PLGRKT: variants seen among roughly 807,000 people sequenced by gnomAD.
PLGRKT encodes plasminogen receptor with a C-terminal lysine.
PLGRKT carries 22 observed loss-of-function variants against 18.5 expected under a neutral mutation model. That is an observed-to-expected ratio of 1.19 (90% CI 0.85 to 1.70). PLGRKT has a LOEUF of 1.70. Ranked by LOEUF, PLGRKT falls within the 40% of genes most tolerant of loss-of-function variation. The pLI is 0.00. For synonymous variants in PLGRKT, 72 were observed against 52.8 expected (o/e 1.36, Z -1.58); for missense variants, 235 against 174.4 (o/e 1.35, Z -1.96).
In PLGRKT at chr9:5,418,694, C is replaced by T. The variant is rs536393742; in HGVS notation, c.81+13203G>A. 1.7e-5 allele frequency: 11 copies of T among 662,342 alleles called. No individual in the cohort carries two copies. The highest frequency in any genetic ancestry group is 4.9e-5 in the South Asian group (3 of 60,864). The allele number at this position is 662,342 out of a possible 1,614,324, so 41.0% of individuals were successfully genotyped here. A position where few individuals can be genotyped will look rare whatever the true frequency, so the allele number is the denominator to read the frequency against. ...AGGGGCAGCATGTAGCACCCACTGC[C>T]GGGAAGTCTGATGAAGACCGGCATG... On this transcript the variant is annotated intron_variant, in intron 3 of 5. Transcript: ENST00000223864. This position sits in a 1 kb window ranked among gnomAD's most constrained non-coding sequence, Gnocchi z 4.2.
intron 3 of PLGRKT, among the ~76,000 whole-genome samples, chr9:5,415,590 T>C (rs1421763210): frequency 2.6e-5 from 4 of 152,176 alleles, no homozygotes; most frequent in South Asian, 4.1e-4. Flanking sequence ...ACTTGATGGA[T>C]ACAACCTTAA....
Position 5,418,127 on chromosome 9 carries a change from G to A in PLGRKT, c.81+13770C>T, listed in dbSNP as rs1818499158. Among the ~76,000 whole-genome samples the A allele has an allele frequency of 6.6e-6, 1 of 152,124 alleles. No homozygotes were observed. The highest frequency in any genetic ancestry group is 2.1e-4 in the South Asian group (1 of 4,826). ...AGTCCATTGAATACATGATTATGAGGATGCATGCAATCATCTTCAAAGCTG... is the reference window on the plus strand; with the variant it reads ...AGTCCATTGAATACATGATTATGAGAATGCATGCAATCATCTTCAAAGCTG... On this transcript the variant is annotated intron_variant, in intron 3 of 5. Transcript: ENST00000223864. This position sits in a 1 kb window ranked among gnomAD's most constrained non-coding sequence, Gnocchi z 4.2.
At chr9:5,424,682 A>T (rs1169480040) in intron 3 of PLGRKT, among the ~76,000 whole-genome samples, 1 of 106,180 alleles carries the variant, frequency 9.4e-6, no homozygotes, top group Non-Finnish European at 1.8e-5. Flanking sequence ...ATATATATAT[A>T]TATATATATA....
At position 5,358,059 on chromosome 9, in the gene PLGRKT, C is replaced by T; in HGVS notation, c.*180G>A. On this transcript the variant is annotated 3_prime_UTR_variant, in exon 6 of 6. Coordinates refer to ENST00000223864, the MANE Select transcript of PLGRKT (RefSeq NM_018465.4). ...GGAAATCTAAAAGTTATTTAGAGCA[C>T]CTCCATGATTTTGTGTTGAATGTTA... 1 of 468,096 alleles carries T rather than the reference C, an allele frequency of 2.1e-6. No individual in the cohort carries two copies. The highest frequency in any genetic ancestry group is 4.1e-5 in the South Asian group (1 of 24,486). 29.0% of individuals were successfully genotyped at this position (468,096 alleles called of 1,614,324 possible).
At chr9:5,405,953 T>C (rs527490120) in intron 3 of PLGRKT, among the ~76,000 whole-genome samples, 3 of 152,094 alleles carry the variant, frequency 2.0e-5, no homozygotes, top group South Asian at 2.1e-4. Context: ...GCAAAGGATA[T>C]GAACAGACAC....
At chr9:5,431,781 T>C in intron 3 of PLGRKT, 116 bp downstream of exon 3, 1 of 616,132 alleles carries the variant, frequency 1.6e-6, no homozygotes, top group African/African-American at 1.8e-5. Flanking sequence ...GTTTTAAGGA[T>C]GCAGCCCAAA....
At position 5,418,612 on chromosome 9, in the gene PLGRKT, G is replaced by T; in HGVS notation, c.81+13285C>A. On this transcript the variant is annotated intron_variant, in intron 3 of 5. Transcript: ENST00000223864. This position sits in a 1 kb window ranked among gnomAD's most constrained non-coding sequence, Gnocchi z 4.2. ...AGTGACGGACTTCTGCCGGTTCCTG[G>T]GCAGCAGGTGGCGGCTCATATCTCC... The T allele has an allele frequency of 1.4e-6, 1 of 723,376 alleles. No homozygotes were observed. The highest frequency in any genetic ancestry group is 2.6e-6 in the Non-Finnish European group (1 of 388,240). The allele number at this position is 723,376 out of a possible 1,614,324, so 44.8% of individuals were successfully genotyped here. A position where few individuals can be genotyped will look rare whatever the true frequency, so the allele number is the denominator to read the frequency against.
intron 1 of PLGRKT, among the ~76,000 whole-genome samples, chr9:5,437,431 T>C (rs1818981451): frequency 1.3e-5 from 2 of 152,204 alleles, no homozygotes; most frequent in African/African-American, 4.8e-5. Context: ...AGCCCACAGC[T>C]TCCGGAGGTT....
At chr9:5,364,835 A>G (rs956513069) in intron 3 of PLGRKT, among the ~76,000 whole-genome samples, 1 of 152,210 alleles carries the variant, frequency 6.6e-6, no homozygotes, top group Non-Finnish European at 1.5e-5. Context: ...CAGGGAGATT[A>G]CAAACAAGCA....
Position 5,360,766 on chromosome 9 carries a change from T to A in PLGRKT, c.322+312A>T, listed in dbSNP as rs114379275. Among the ~76,000 whole-genome samples, 313 of 152,376 alleles carry A rather than the reference T, an allele frequency of 2.1e-3. 2 individuals carry two copies. Among genetic ancestry groups the A allele is most frequent in the African/African-American group, 7.0e-3 (290 of 41,584 alleles). The stretch of plus-strand genomic sequence containing the variant: ...GATGAGTTCTGTTTATTACCTTTGT[T>A]TTAAACACAATTTAATATTATTTAT... On this transcript the variant is annotated intron_variant, in intron 5 of 5. Transcript: ENST00000223864.
chr9:5,407,544 G>T (rs989805363), intron 3 of PLGRKT, among the ~76,000 whole-genome samples: 7 of 151,900 alleles, frequency 4.6e-5, no homozygotes, highest in African/African-American at 1.7e-4. Context: ...AAAAAGTGTT[G>T]AGTAAATAAA....
chr9:5,416,993 G>C (rs1818474411), intron 3 of PLGRKT, among the ~76,000 whole-genome samples: 1 of 152,166 alleles, frequency 6.6e-6, no homozygotes, highest in Non-Finnish European at 1.5e-5. Context: ...TAAGAGACTT[G>C]GTGGACATTT....
intron 3 of PLGRKT, among the ~76,000 whole-genome samples, chr9:5,389,567 A>C (rs1312191712): frequency 6.6e-6 from 1 of 151,882 alleles, no homozygotes; most frequent in African/African-American, 2.4e-5. Flanking sequence ...TCATCAGAGA[A>C]AACCTGGAGA....
intron 3 of PLGRKT, among the ~76,000 whole-genome samples, chr9:5,363,075 T>G (rs774734332): frequency 1.5e-4 from 23 of 151,716 alleles, no homozygotes; most frequent in Non-Finnish European, 3.1e-4. Flanking sequence ...AACTGCGGAT[T>G]GAGAGCAGGG....
At chr9:5,428,183 A>T (rs1295074482) in intron 3 of PLGRKT, among the ~76,000 whole-genome samples, 1 of 152,178 alleles carries the variant, frequency 6.6e-6, no homozygotes, top group Non-Finnish European at 1.5e-5. Flanking sequence ...AGCGTCAGAA[A>T]CTTGTCTGTT....
At chr9:5,408,774 G>T (rs1818305186) in intron 3 of PLGRKT, among the ~76,000 whole-genome samples, 1 of 152,208 alleles carries the variant, frequency 6.6e-6, no homozygotes, top group Admixed American at 6.5e-5. Flanking sequence ...GGCCTAAGAG[G>T]ACAGAATGGT....
chr9:5,397,951 G>A (rs1818084694), intron 3 of PLGRKT, among the ~76,000 whole-genome samples: 1 of 151,934 alleles, frequency 6.6e-6, no homozygotes, highest in African/African-American at 2.4e-5. Flanking sequence ...GGGAGGCATA[G>A]AACTTGAAGG....
chr9:5,431,434 T>C, intron 3 of PLGRKT, among the ~76,000 whole-genome samples: 1 of 149,440 alleles, frequency 6.7e-6, no homozygotes, highest in Middle Eastern at 3.2e-3. Context: ...CTAGGGAGGC[T>C]GAGGCACAAG....
intron 3 of PLGRKT, among the ~76,000 whole-genome samples, chr9:5,426,102 T>C (rs74465341): frequency 2.2e-3 from 331 of 152,284 alleles, no homozygotes; most frequent in African/African-American, 7.5e-3. Flanking sequence ...GTCAAGTCCA[T>C]GCCATTTTCA....
Sources: gnomAD v4.1 joint callset for allele counts (sites outside exome capture counted in the v4.1 genomes callset) on GRCh38, gnomAD v4.1.1 for gene constraint, Gnocchi (gnomAD v3.1) non-coding constraint, MANE v1.5 for transcripts, NCBI Gene and HGNC (gene_info 2026-07-23, HGNC 2026-07-21) for gene names.